RBFOX2: variants seen among roughly 807,000 people sequenced by gnomAD.
RBFOX2 encodes RNA binding protein fox-1 homolog 2.
Under a neutral mutation model 49.1 loss-of-function variants are expected in RBFOX2, and 10 were observed. The observed-to-expected ratio is 0.20, with a 90% confidence interval of 0.13 to 0.35. RBFOX2 has a LOEUF of 0.35. Ranked by LOEUF, RBFOX2 falls within the 10% of genes least tolerant of loss-of-function variation. The probability of loss-of-function intolerance (pLI) is 1.00; values close to 1 mark genes in which losing one functional copy is unlikely to be tolerated. For synonymous variants in RBFOX2, 183 were observed against 187.4 expected (o/e 0.98, Z 0.19); for missense variants, 323 against 486.9 (o/e 0.66, Z 3.17).
intron 2 of RBFOX2, among the ~76,000 whole-genome samples, chr22:35,808,261 T>C (rs554167189): frequency 1.3e-5 from 2 of 149,954 alleles, no homozygotes; most frequent in Non-Finnish European, 2.9e-5. Context: ...GTCTCGTTTG[T>C]TACCTATCAA....
At chr22:35,863,653 C>A (rs915184941) in intron 1 of RBFOX2, among the ~76,000 whole-genome samples, 8 of 152,062 alleles carry the variant, frequency 5.3e-5, no homozygotes, top group Admixed American at 4.6e-4. Flanking sequence ...TAGCACTAGC[C>A]CCTTGATCCA....
chr22:35,983,161 T>C (rs1446654891), intron 1 of RBFOX2, among the ~76,000 whole-genome samples: 1 of 152,200 alleles, frequency 6.6e-6, no homozygotes, highest in African/African-American at 2.4e-5. Flanking sequence ...AGCTATCAAC[T>C]TTTCAACAAG....
chr22:35,883,317 T>C (rs2046164076), intron 1 of RBFOX2, among the ~76,000 whole-genome samples: 1 of 152,224 alleles, frequency 6.6e-6, no homozygotes, highest in South Asian at 2.1e-4. Context: ...ACAAAAGCTA[T>C]ACCCATAGAT....
chr22:35,961,967 C>T (rs2056248311), upstream of RBFOX2, among the ~76,000 whole-genome samples: 1 of 152,154 alleles, frequency 6.6e-6, no homozygotes, highest in South Asian at 2.1e-4. Context: ...TAAAAACAAC[C>T]AAGCCACCTG....
chr22:35,791,092 A>T (rs1365388192), intron 2 of RBFOX2, among the ~76,000 whole-genome samples: 1 of 152,170 alleles, frequency 6.6e-6, no homozygotes, highest in Admixed American at 6.5e-5. Flanking sequence ...GTTTTAAAAA[A>T]GAAAAAAGTA....
At chr22:35,937,832 A>G (rs796192134) in intron 1 of RBFOX2, among the ~76,000 whole-genome samples, 2 of 151,910 alleles carry the variant, frequency 1.3e-5, no homozygotes, top group South Asian at 4.2e-4. Context: ...CTCATGATCC[A>G]CCCACCTTGG....
chr22:35,912,291 G>A (rs539560893), intron 1 of RBFOX2, among the ~76,000 whole-genome samples: 46 of 152,322 alleles, frequency 3.0e-4, no homozygotes, highest in Non-Finnish European at 5.6e-4. Context: ...AGAAGAACAT[G>A]AGCATTCATT....
chr22:35,822,825 G>GTT, intron 1 of RBFOX2: 1 of 412,264 alleles, frequency 2.4e-6, no homozygotes, highest in Non-Finnish European at 4.7e-6. Flanking sequence ...CCTTTGGGTT[G>GTT]TCTTTTTTTT....
At chr22:35,909,657 G>A (rs1016374278) in intron 1 of RBFOX2, among the ~76,000 whole-genome samples, 3 of 152,228 alleles carry the variant, frequency 2.0e-5, no homozygotes. Context: ...GAGTCCCCCT[G>A]TTGGAGCGAA....
intron 1 of RBFOX2, among the ~76,000 whole-genome samples, chr22:35,925,079 C>T (rs554307302): frequency 3.9e-5 from 6 of 152,068 alleles, no homozygotes; most frequent in Non-Finnish European, 8.8e-5. Flanking sequence ...GTAATCTCAG[C>T]TACTCGGGAG....
intron 1 of RBFOX2, among the ~76,000 whole-genome samples, chr22:35,886,552 G>A (rs961701080): frequency 5.3e-5 from 8 of 152,106 alleles, no homozygotes; most frequent in Non-Finnish European, 5.9e-5. Context: ...TACACACCTC[G>A]GCTATACGGT....
chr22:35,781,741 T>C, exon 3 of RBFOX2: 1 of 1,614,060 alleles, frequency 6.2e-7, no homozygotes, highest in Non-Finnish European at 8.5e-7. Flanking sequence ...CTCCACCTTC[T>C]GTCTGCTAAG....
At chr22:35,926,782 G>A (rs2051694891) in intron 1 of RBFOX2, among the ~76,000 whole-genome samples, 1 of 152,118 alleles carries the variant, frequency 6.6e-6, no homozygotes, top group Admixed American at 6.5e-5. Flanking sequence ...CTCAAAGTAT[G>A]ACACTCCCAG....
At chr22:35,971,098 G>A (rs183215239) in intron 1 of RBFOX2, among the ~76,000 whole-genome samples, 1 of 152,252 alleles carries the variant, frequency 6.6e-6, no homozygotes, top group African/African-American at 2.4e-5. Flanking sequence ...TTTAAGCTGT[G>A]CAGAGTGCCT....
At chr22:35,914,493 G>T (rs1297942999) in intron 1 of RBFOX2, among the ~76,000 whole-genome samples, 1 of 152,140 alleles carries the variant, frequency 6.6e-6, no homozygotes, top group Non-Finnish European at 1.5e-5. Flanking sequence ...GCAGAATTGG[G>T]GCTAAAAGCC....
intron 1 of RBFOX2, among the ~76,000 whole-genome samples, chr22:36,017,033 C>T (rs1454646733): frequency 6.6e-6 from 1 of 152,154 alleles, no homozygotes; most frequent in African/African-American, 2.4e-5. Context: ...GGACCCCAAA[C>T]CAGAAGCTGA....
At chr22:35,882,350 A>G (rs2046013535) in intron 1 of RBFOX2, among the ~76,000 whole-genome samples, 1 of 152,222 alleles carries the variant, frequency 6.6e-6, no homozygotes, top group Non-Finnish European at 1.5e-5. Flanking sequence ...GTTACTGGCA[A>G]CTTGGACTAG....
chr22:35,804,484 A>G (rs1312146472), intron 2 of RBFOX2, among the ~76,000 whole-genome samples: 2 of 152,124 alleles, frequency 1.3e-5, no homozygotes, highest in Non-Finnish European at 2.9e-5. Flanking sequence ...CAAACAGAAA[A>G]TCTTGAAATC....
At chr22:35,985,886 AGATAGATAGATAGATG>A (rs1390851418) in intron 1 of RBFOX2, among the ~76,000 whole-genome samples, 20 of 139,034 alleles carry the variant, frequency 1.4e-4, no homozygotes, top group Middle Eastern at 3.5e-3. Flanking sequence ...ATCTCTAGAT[AGATAGATAGATAGATG>A]GATAGATAGA....
Sources: gnomAD v4.1 joint callset for allele counts (sites outside exome capture counted in the v4.1 genomes callset) on GRCh38, gnomAD v4.1.1 for gene constraint, MANE v1.5 for transcripts, NCBI Gene and HGNC (gene_info 2026-07-23, HGNC 2026-07-21) for gene names.